The following ULK4 variants were observed in gnomAD, a reference collection of about 807,000 sequenced individuals.
The protein encoded by ULK4 is unc-51 like kinase 4, also known as inactive serine/threonine-protein kinase ULK4.
Under a neutral mutation model 160.6 loss-of-function variants are expected in ULK4, and 133 were observed. The ratio of observed to expected loss-of-function variants is 0.83; its 90% CI spans 0.72 to 0.96. ULK4 has a LOEUF of 0.96. Ranked by LOEUF, ULK4 falls within the 40% of genes least tolerant of loss-of-function variation. ULK4 has a pLI of 0.00. For missense variants in ULK4, 1,580 were observed against 1,499.5 expected, an observed-to-expected ratio of 1.05 and a Z score of -0.89; for synonymous variants, 534 against 539.8, an observed-to-expected ratio of 0.99 and a Z score of 0.15.
chr3:41,531,303 T>C (rs1575366681), intron 32 of ULK4, among the ~76,000 whole-genome samples: 2 of 150,472 alleles, frequency 1.3e-5, no homozygotes, highest in African/African-American at 4.9e-5. Context: ...TAGCCAGGTA[T>C]GGTGGTGGGC....
chr3:41,823,689 T>TA (rs1463005336), intron 18 of ULK4, among the ~76,000 whole-genome samples: 1 of 152,168 alleles, frequency 6.6e-6, no homozygotes, highest in Non-Finnish European at 1.5e-5. Context: ...CCTGAGATTT[T>TA]AATGTTTATT....
chr3:41,494,390 T>C (rs2084910232), intron 32 of ULK4, among the ~76,000 whole-genome samples: 1 of 140,120 alleles, frequency 7.1e-6, no homozygotes, highest in Admixed American at 7.3e-5. Flanking sequence ...CCCTTCACGC[T>C]AAAAACTCTC....
At chr3:41,269,706 C>T (rs1230717600) in intron 35 of ULK4, among the ~76,000 whole-genome samples, 1 of 152,150 alleles carries the variant, frequency 6.6e-6, no homozygotes, top group Admixed American at 6.5e-5. Context: ...ACCTTCATAG[C>T]ATCCTTATAA....
intron 35 of ULK4, among the ~76,000 whole-genome samples, chr3:41,258,776 A>G (rs2078885197): frequency 6.6e-6 from 1 of 152,174 alleles, no homozygotes; most frequent in Non-Finnish European, 1.5e-5. Context: ...TGGTAGCTAA[A>G]TGGCTAAAAT....
chr3:41,590,956 T>C (rs1258476705), intron 31 of ULK4, among the ~76,000 whole-genome samples: 3 of 151,852 alleles, frequency 2.0e-5, no homozygotes, highest in Admixed American at 6.6e-5. Context: ...AAAATCATAA[T>C]TCCACAGATT....
intron 27 of ULK4, among the ~76,000 whole-genome samples, chr3:41,693,590 G>C (rs953460309): frequency 6.6e-6 from 1 of 151,988 alleles, no homozygotes; most frequent in Non-Finnish European, 1.5e-5. Context: ...GTATAAGAAG[G>C]AAAAATAAGA....
At chr3:41,842,259 T>C (rs1467833034) in intron 17 of ULK4, among the ~76,000 whole-genome samples, 9 of 146,850 alleles carry the variant, frequency 6.1e-5, no homozygotes, top group Admixed American at 4.7e-4. Flanking sequence ...TGAGCTATGA[T>C]CAAGCCACTG....
intron 32 of ULK4, among the ~76,000 whole-genome samples, chr3:41,555,125 T>G (rs1691993): frequency 0.51 from 77,609 of 151,740 alleles, 19,938 homozygotes; most frequent in Middle Eastern, 0.57. Context: ...GGTAAAAACA[T>G]AAATTGACTT....
At chr3:41,745,688 G>A (rs968812213) in intron 22 of ULK4, among the ~76,000 whole-genome samples, 5 of 151,546 alleles carry the variant, frequency 3.3e-5, no homozygotes, top group Admixed American at 6.6e-5. Context: ...AAGAAGGGAA[G>A]GAGGGAGAAA....
chr3:41,474,607 A>C (rs1256394), intron 32 of ULK4, among the ~76,000 whole-genome samples: 90,190 of 151,566 alleles, frequency 0.6, 27,972 homozygotes, highest in African/African-American at 0.79. Context: ...AGCCATACAT[A>C]TGATAAGGGG....
intron 17 of ULK4, among the ~76,000 whole-genome samples, chr3:41,879,938 G>A (rs1229699993): frequency 2.0e-5 from 3 of 152,050 alleles, no homozygotes; most frequent in Non-Finnish European, 4.4e-5. Flanking sequence ...CCAACATGGT[G>A]AAACCCCATC....
chr3:41,911,239 T>C, intron 11 of ULK4, 78 bp downstream of exon 11: 1 of 1,382,688 alleles, frequency 7.2e-7, no homozygotes, highest in South Asian at 1.3e-5. Context: ...TGTAACAAAG[T>C]TTGCACCAAG....
chr3:41,525,740 C>T (rs1038334520), intron 32 of ULK4, among the ~76,000 whole-genome samples: 1 of 152,200 alleles, frequency 6.6e-6, no homozygotes, highest in East Asian at 1.9e-4. Flanking sequence ...TTTATCTGCA[C>T]ATTTATTTAT....
chr3:41,844,151 T>C (rs1453362422), intron 17 of ULK4, among the ~76,000 whole-genome samples: 1 of 152,156 alleles, frequency 6.6e-6, no homozygotes, highest in African/African-American at 2.4e-5. Context: ...TGCCTGCCAG[T>C]CCCGTGCCCT....
chr3:41,551,409 ATC>A (rs2125577949), intron 32 of ULK4, among the ~76,000 whole-genome samples: 3 of 112,538 alleles, frequency 2.7e-5, no homozygotes, highest in Admixed American at 1.9e-4. Context: ...AAGGAAGAAG[ATC>A]CAAATAAAAT....
chr3:41,823,538 C>A (rs1445963850), intron 18 of ULK4, among the ~76,000 whole-genome samples: 1 of 152,082 alleles, frequency 6.6e-6, no homozygotes, highest in Admixed American at 6.5e-5. Context: ...CTTATAATAC[C>A]CTCTGCAGAA....
At chr3:41,397,371 A>T (rs1431238476) in intron 35 of ULK4, among the ~76,000 whole-genome samples, 1 of 152,168 alleles carries the variant, frequency 6.6e-6, no homozygotes, top group Non-Finnish European at 1.5e-5. Flanking sequence ...TGCAACTACT[A>T]CAAAATAATA....
At chr3:41,632,749 C>T (rs2033799988) in intron 30 of ULK4, among the ~76,000 whole-genome samples, 1 of 151,070 alleles carries the variant, frequency 6.6e-6, no homozygotes, top group Non-Finnish European at 1.5e-5. Context: ...AAAAAAAAAA[C>T]CTCATAGTTA....
At chr3:41,442,063 T>A (rs1240491023) in intron 34 of ULK4, among the ~76,000 whole-genome samples, 1 of 152,192 alleles carries the variant, frequency 6.6e-6, no homozygotes, top group Admixed American at 6.6e-5. Context: ...TCTTTATAGC[T>A]AAGATATGCT....
Sources: allele counts gnomAD v4.1 joint callset (sites outside exome capture counted in the v4.1 genomes callset), GRCh38; gene constraint gnomAD v4.1.1; transcripts MANE v1.5; gene names NCBI Gene and HGNC (gene_info 2026-07-23, HGNC 2026-07-21).